GFPT2: variants seen among roughly 807,000 people sequenced by gnomAD.
GFPT2 encodes glutamine--fructose-6-phosphate aminotransferase [isomerizing] 2.
GFPT2 carries 62 observed loss-of-function variants against 85.6 expected under a neutral mutation model. The observed-to-expected ratio is 0.72, with a 90% CI of 0.59 to 0.90. GFPT2 has a LOEUF of 0.90. Among genes scored for constraint, GFPT2 ranks in the 40% least tolerant of loss-of-function variants. The pLI, the probability that GFPT2 is intolerant of heterozygous loss-of-function variation, is 0.00. For synonymous variants in GFPT2, 368 were observed against 344.5 expected, an observed-to-expected ratio of 1.07 and a Z score of -0.75; for missense variants, 788 against 893.4, an observed-to-expected ratio of 0.88 and a Z score of 1.50.
intron 2 of GFPT2, 47 bp from the exon 3 acceptor site, chr5:180,336,624 C>G (rs1297548185): frequency 7.8e-7 from 1 of 1,278,324 alleles, no homozygotes; most frequent in Non-Finnish European, 1.1e-6. Context: ...AGCTTTTTCT[C>G]ACACACTTGG....
intron 14 of GFPT2, 108 bp from the exon 15 acceptor site, chr5:180,312,652 G>C: frequency 1.5e-6 from 1 of 648,768 alleles, no homozygotes. Flanking sequence ...GCAGTGGCGA[G>C]ATCACGGCTC....
chr5:180,344,712 G>A (rs918870739), intron 1 of GFPT2, among the ~76,000 whole-genome samples: 3 of 152,172 alleles, frequency 2.0e-5, no homozygotes, highest in Non-Finnish European at 4.4e-5. Flanking sequence ...TGGCATGTCC[G>A]AAGCACCAGG....
At chr5:180,316,893 A>T (rs907011327) in intron 11 of GFPT2, 32 bp from the exon 12 acceptor site, 10 of 1,568,624 alleles carry the variant, frequency 6.4e-6, no homozygotes, top group Non-Finnish European at 7.0e-6. Flanking sequence ...GTTAATGCTG[A>T]GTCTACACAG....
chr5:180,305,051 C>T, intron 16 of GFPT2, 112 bp from the exon 17 acceptor site: 1 of 754,242 alleles, frequency 1.3e-6, no homozygotes, highest in Non-Finnish European at 2.3e-6. Context: ...GGCAGAGAGC[C>T]AAGGGTTGCA....
At chr5:180,303,595 T>C (rs1036993948) in intron 17 of GFPT2, among the ~76,000 whole-genome samples, 1 of 152,108 alleles carries the variant, frequency 6.6e-6, no homozygotes, top group African/African-American at 2.4e-5. Flanking sequence ...AATGATGCCA[T>C]TGTGTTTTAT....
At chr5:180,326,715 A>G (rs1041520976) in intron 7 of GFPT2, among the ~76,000 whole-genome samples, 1 of 152,152 alleles carries the variant, frequency 6.6e-6, no homozygotes, top group Non-Finnish European at 1.5e-5. Context: ...AAGTAGGTGG[A>G]TATCTAATTT....
chr5:180,353,004 C>A, intron 1 of GFPT2: 2 of 398,770 alleles, frequency 5.0e-6, no homozygotes, highest in Non-Finnish European at 8.6e-6. Flanking sequence ...GCATCCCCCA[C>A]CCACACCTCC....
intron 1 of GFPT2, among the ~76,000 whole-genome samples, chr5:180,350,161 C>T (rs1764686469): frequency 6.6e-6 from 1 of 152,106 alleles, no homozygotes; most frequent in South Asian, 2.1e-4. Context: ...TGCAGAGTCC[C>T]ATGAGTGAGG....
chr5:180,332,402 C>T (rs1764321584), intron 4 of GFPT2, among the ~76,000 whole-genome samples: 1 of 152,230 alleles, frequency 6.6e-6, no homozygotes, highest in Admixed American at 6.5e-5. Flanking sequence ...TTCCCTCTCC[C>T]CCTAGAGGAC....
At chr5:180,316,539 G>C in intron 12 of GFPT2, 78 bp from the exon 13 acceptor site, 4 of 1,482,678 alleles carry the variant, frequency 2.7e-6, no homozygotes, top group Non-Finnish European at 2.8e-6. Flanking sequence ...GGCTTCTAGG[G>C]ACAGTTTGTG....
chr5:180,352,695 C>T (rs2127659869), intron 1 of GFPT2: 5 of 426,346 alleles, frequency 1.2e-5, no homozygotes, highest in East Asian at 9.9e-5. Context: ...CTGCCTGAGG[C>T]ACTGACGCAG....
Position 180,317,041 on chromosome 5 carries a change from T to C in GFPT2, c.976A>G (p.Met326Val). 6.2e-7 allele frequency: 1 copy of C among 1,603,884 alleles called. No homozygotes were observed. The highest frequency in any genetic ancestry group is 1.3e-5 in the African/African-American group (1 of 74,886). ...GGCTGTTCGAAGATCTCCTTCTGCA[T>C]AAACGCACTGAAGTTACCTGGTCAA... ...QIMKGNFSAF[M>V]QKEIFEQPES... The change falls in exon 11 of 19, where the codon ATG becomes GTG. Residue 326 changes from methionine to valine, a missense_variant. By Grantham distance (21) the Met-to-Val change is conservative (BLOSUM62 1). Coordinates refer to ENST00000253778, the MANE Select transcript of GFPT2 (RefSeq NM_005110.4).
At position 180,346,484 on chromosome 5, in the gene GFPT2, T is replaced by G. The variant is rs115045618; in HGVS notation, c.7+6727A>C. 5.0e-3 allele frequency among the ~76,000 whole-genome samples: 768 copies of G among 152,264 alleles called. 2 individuals are homozygous for G. The highest frequency in any genetic ancestry group is 8.5e-3 in the Non-Finnish European group (575 of 68,014). The stretch of plus-strand genomic sequence containing the variant: ...GTTCAGCCCCCACCCCACCAGGGCC[T>G]CGGTGACCACGGCAAGGCAGGTTCC... On this transcript the variant is annotated intron_variant, in intron 1 of 18. Coordinates refer to ENST00000253778, the MANE Select transcript of GFPT2 (RefSeq NM_005110.4).
In GFPT2 at chr5:180,317,506, T is replaced by C. The variant is rs1286567671; in HGVS notation, c.959-448A>G. ...CGGGCGCAGTGGCTCACGCCTGTAATCCCAGCACTTTGGGAGGCCGAGGCG... is the reference window on the plus strand; with the variant it reads ...CGGGCGCAGTGGCTCACGCCTGTAACCCCAGCACTTTGGGAGGCCGAGGCG... On this transcript the variant is annotated intron_variant, in intron 10 of 18. Transcript: ENST00000253778. Among the ~76,000 whole-genome samples the C allele has an allele frequency of 2.0e-5, 3 of 151,792 alleles. No individual in the cohort carries two copies. In the South Asian group the frequency reaches 6.2e-4, roughly 32 times the overall value.
At chr5:180,315,223 G>T (rs893105264) in intron 13 of GFPT2, among the ~76,000 whole-genome samples, 1 of 151,672 alleles carries the variant, frequency 6.6e-6, no homozygotes, top group African/African-American at 2.4e-5. Flanking sequence ...TGTCGCCCAG[G>T]CTGGAGTGCA....
intron 1 of GFPT2, among the ~76,000 whole-genome samples, chr5:180,339,328 C>T (rs530889983): frequency 6.9e-5 from 10 of 144,604 alleles, no homozygotes; most frequent in African/African-American, 1.0e-4. Context: ...TGCAGTGAGC[C>T]GAGATCGTGC....
At chr5:180,336,338 T>TTACAG in intron 3 of GFPT2, 141 bp downstream of exon 3, 1 of 701,772 alleles carries the variant, frequency 1.4e-6, no homozygotes, top group Non-Finnish European at 2.6e-6. Context: ...AAGCCCGGTT[T>TTACAG]TACAGCACGG....
rs543181000 is a variant in GFPT2 at position 180,338,112 on chromosome 5, T to C, written c.115+381A>G. 5.3e-5 allele frequency among the ~76,000 whole-genome samples: 8 copies of C among 152,004 alleles called. No individual in the cohort carries two copies. The East Asian group carries it at 1.6e-3, about 29-fold the overall frequency. On this transcript the variant is annotated intron_variant, in intron 2 of 18. Coordinates refer to ENST00000253778, the MANE Select transcript of GFPT2 (RefSeq NM_005110.4). ...TGCACTCCAGCCTGAGTAACAAAAATAAAAATAAAAATATGAAAATCTACC... is the reference window on the plus strand; with the variant it reads ...TGCACTCCAGCCTGAGTAACAAAAACAAAAATAAAAATATGAAAATCTACC...
chr5:180,335,999 C>T (rs781414033), intron 3 of GFPT2, 46 bp from the exon 4 acceptor site: 9 of 1,516,176 alleles, frequency 5.9e-6, no homozygotes, highest in African/African-American at 1.4e-5. Flanking sequence ...CAACAAGCCT[C>T]GACCCAGGAC....
Sources: gnomAD v4.1 joint callset for allele counts (sites outside exome capture counted in the v4.1 genomes callset) on GRCh38, gnomAD v4.1.1 for gene constraint, MANE v1.5 for transcripts, NCBI Gene and HGNC (gene_info 2026-07-23, HGNC 2026-07-21) for gene names.